Variants in XPR1 observed in about 807,000 individuals in gnomAD.
XPR1 encodes xenotropic and polytropic retrovirus receptor 1, also known as solute carrier family 53 member 1.
A neutral mutation model predicts 87.5 loss-of-function variants in XPR1; 28 were observed. The observed-to-expected ratio is 0.32, with a 90% CI of 0.24 to 0.44. XPR1 has a LOEUF of 0.44. XPR1 is among the 20% of genes least tolerant of loss of function. XPR1 has a pLI of 1.00. For synonymous variants in XPR1, 300 were observed against 306.1 expected, an observed-to-expected ratio of 0.98 and a Z score of 0.21; for missense variants, 559 against 862.3, an observed-to-expected ratio of 0.65 and a Z score of 4.41.
intron 1 of XPR1, among the ~76,000 whole-genome samples, chr1:180,656,613 A>AAT (rs564105803): frequency 0.044 from 2,872 of 65,548 alleles, 116 homozygotes; most frequent in African/African-American, 0.12. Context: ...ATGTATGTAT[A>AAT]ATATATTTTA....
chr1:180,755,398 T>C (rs1390077443), intron 2 of XPR1, among the ~76,000 whole-genome samples: 1 of 152,232 alleles, frequency 6.6e-6, no homozygotes, highest in African/African-American at 2.4e-5. Flanking sequence ...AAACACTAGG[T>C]GAACTCAGGA....
At chr1:180,857,790 C>G (rs1652083597) in intron 11 of XPR1, among the ~76,000 whole-genome samples, 1 of 152,100 alleles carries the variant, frequency 6.6e-6, no homozygotes, top group African/African-American at 2.4e-5. Context: ...AATATACAAG[C>G]AAGCAGATGT....
At chr1:180,883,542 C>G (rs1017743332) in intron 14 of XPR1, among the ~76,000 whole-genome samples, 8 of 151,990 alleles carry the variant, frequency 5.3e-5, no homozygotes, top group African/African-American at 1.9e-4. Context: ...AAGCCCATCT[C>G]TACTAAAAAT....
chr1:180,803,375 C>G lies in XPR1; in HGVS notation c.224-13C>G. The G allele has an allele frequency of 1.2e-6, 2 of 1,611,114 alleles. No individual in the cohort carries two copies. Among genetic ancestry groups the G allele is most frequent in the South Asian group, 2.2e-5 (2 of 90,728 alleles). On this transcript the variant is annotated splice_polypyrimidine_tract_variant and intron_variant, in intron 3 of 14. Coordinates refer to ENST00000367590, the MANE Select transcript of XPR1 (RefSeq NM_004736.4). ...ATCTTACTGATTTGACAGTTCCGTT[C>G]TATTTCTTATAGAGAAGCTCGCAGA...
chr1:180,690,040 T>A (rs1299386741), intron 2 of XPR1, among the ~76,000 whole-genome samples: 2 of 151,696 alleles, frequency 1.3e-5, no homozygotes, highest in African/African-American at 4.8e-5. Flanking sequence ...CCTGTAAACC[T>A]GGCTACTCTG....
In XPR1 at chr1:180,743,492, A is replaced by T. The variant is rs1451936549; in HGVS notation, c.122-44261A>T. Among the ~76,000 whole-genome samples, 6 of 152,128 alleles carry T rather than the reference A, an allele frequency of 3.9e-5. No individual in the cohort carries two copies. In the East Asian group the frequency reaches 1.2e-3, roughly 29 times the overall value. On this transcript the variant is annotated intron_variant, in intron 2 of 14. Coordinates refer to ENST00000367590, the MANE Select transcript of XPR1 (RefSeq NM_004736.4). ...ATTGAAAACTCCATTAGACAAGATT[A>T]TACTTTTTGCTTTCAGTTGACAAAG...
chr1:180,709,564 T>A (rs1657688390), intron 2 of XPR1, among the ~76,000 whole-genome samples: 1 of 152,248 alleles, frequency 6.6e-6, no homozygotes, highest in Non-Finnish European at 1.5e-5. Flanking sequence ...TACTCTTGTT[T>A]GTCTGGCTTC....
intron 2 of XPR1, among the ~76,000 whole-genome samples, chr1:180,703,402 A>T (rs1449616816): frequency 6.6e-6 from 1 of 152,174 alleles, no homozygotes; most frequent in Non-Finnish European, 1.5e-5. Flanking sequence ...TGGATAACGC[A>T]TGCGGGTGCC....
At chr1:180,779,374 G>A (rs377384764) in intron 2 of XPR1, among the ~76,000 whole-genome samples, 11 of 152,232 alleles carry the variant, frequency 7.2e-5, no homozygotes, top group African/African-American at 2.4e-4. Flanking sequence ...TTAATAGAGA[G>A]CCTGGCATCT....
intron 2 of XPR1, among the ~76,000 whole-genome samples, chr1:180,718,647 A>G (rs897640755): frequency 4.0e-5 from 6 of 151,520 alleles, no homozygotes; most frequent in African/African-American, 1.2e-4. Context: ...CTAAATCAGA[A>G]TCTTGGGACT....
At chr1:180,833,362 A>G (rs1248104561) in intron 9 of XPR1, among the ~76,000 whole-genome samples, 2 of 152,228 alleles carry the variant, frequency 1.3e-5, no homozygotes, top group Non-Finnish European at 2.9e-5. Flanking sequence ...TAAATGCCCT[A>G]ATTAAAAGAC....
intron 1 of XPR1, among the ~76,000 whole-genome samples, chr1:180,651,887 G>A (rs1655303493): frequency 6.6e-6 from 1 of 152,194 alleles, no homozygotes; most frequent in Non-Finnish European, 1.5e-5. Context: ...AACAATAGCT[G>A]ACACTTAAAT....
intron 1 of XPR1, among the ~76,000 whole-genome samples, chr1:180,655,119 A>G (rs1217411217): frequency 6.6e-6 from 1 of 152,136 alleles, no homozygotes; most frequent in African/African-American, 2.4e-5. Flanking sequence ...TAGCCATCCT[A>G]TCAAATGAAT....
At chr1:180,801,100 A>T (rs552682948) in intron 3 of XPR1, among the ~76,000 whole-genome samples, 1 of 152,304 alleles carries the variant, frequency 6.6e-6, no homozygotes, top group Admixed American at 6.5e-5. Flanking sequence ...TGGTAAATGC[A>T]CCCACCTTGT....
At chr1:180,863,092 C>T (rs1369473992) in intron 11 of XPR1, among the ~76,000 whole-genome samples, 2 of 152,072 alleles carry the variant, frequency 1.3e-5, no homozygotes, top group Admixed American at 6.6e-5. Flanking sequence ...TCAATAAACA[C>T]CCTCTAAGAA....
In XPR1 at chr1:180,702,595, C is replaced by A. The variant is rs146349183; in HGVS notation, c.121+20184C>A. 2.9e-3 allele frequency among the ~76,000 whole-genome samples: 440 copies of A among 151,904 alleles called. 3 individuals carry two copies. The highest frequency in any genetic ancestry group is 9.6e-3 in the African/African-American group (398 of 41,436). On this transcript the variant is annotated intron_variant, in intron 2 of 14. Coordinates refer to ENST00000367590, the MANE Select transcript of XPR1 (RefSeq NM_004736.4). Reference sequence around the variant, plus strand: ...CTGTTGTTGAAGCTCTCGATTGTATCTTTTATTTCATTCATTGACTACTTC... The same window carrying A: ...CTGTTGTTGAAGCTCTCGATTGTATATTTTATTTCATTCATTGACTACTTC...
chr1:180,690,360 A>G (rs1656936698), intron 2 of XPR1, among the ~76,000 whole-genome samples: 1 of 152,120 alleles, frequency 6.6e-6, no homozygotes, highest in Non-Finnish European at 1.5e-5. Context: ...TTGGACTCTC[A>G]TGGAGAGTCT....
Position 180,863,892 on chromosome 1 carries a change from G to GT in XPR1, c.1668+21dup, listed in dbSNP as rs755524986. The GT allele has an allele frequency of 1.8e-5, 28 of 1,556,336 alleles. No individual in the cohort carries two copies. The highest frequency in any genetic ancestry group is 2.4e-5 in the Non-Finnish European group (28 of 1,156,248). ...CCCAAAAAGTATGTATAAAGAGTGT[G>GT]TTTGTTTAAAAGAACAAACTTAGGT... On this transcript the variant is annotated intron_variant, in intron 12 of 14. Transcript: ENST00000367590.
chr1:180,716,334 C>G lies in XPR1; in HGVS notation c.121+33923C>G, dbSNP rs981931440. On this transcript the variant is annotated intron_variant, in intron 2 of 14. Coordinates refer to ENST00000367590, the MANE Select transcript of XPR1 (RefSeq NM_004736.4). ...GAACTCCTCGCCTCAGGTGATCCTCCTGCCTCAGCCTTGCAGAGTTCTAGG... is the reference window on the plus strand; with the variant it reads ...GAACTCCTCGCCTCAGGTGATCCTCGTGCCTCAGCCTTGCAGAGTTCTAGG... 2.6e-5 allele frequency among the ~76,000 whole-genome samples: 4 copies of G among 152,118 alleles called. No individual in the cohort carries two copies. The South Asian group carries it at 8.3e-4, about 32-fold the overall frequency.
Sources: allele counts gnomAD v4.1 joint callset (sites outside exome capture counted in the v4.1 genomes callset), GRCh38; gene constraint gnomAD v4.1.1; transcripts MANE v1.5; gene names NCBI Gene and HGNC (gene_info 2026-07-23, HGNC 2026-07-21).